The following MAP4K1 variants were observed in gnomAD, a reference collection of about 807,000 sequenced individuals.
The protein encoded by MAP4K1 is mitogen-activated protein kinase kinase kinase kinase 1, also known as MAPK/ERK kinase kinase kinase 1.
MAP4K1 carries 35 observed loss-of-function variants against 122.8 expected under a neutral mutation model. That is an observed-to-expected ratio of 0.29 (90% confidence interval 0.22 to 0.38). The LOEUF (loss-of-function observed/expected upper bound fraction) is 0.38, where lower values mean the gene tolerates loss of function less well. Among genes scored for constraint, MAP4K1 ranks in the 10% least tolerant of loss-of-function variants. The probability of loss-of-function intolerance (pLI) is 1.00; values close to 1 mark genes in which losing one functional copy is unlikely to be tolerated. For synonymous variants in MAP4K1, 412 were observed against 421.3 expected (o/e 0.98, Z 0.27); for missense variants, 791 against 1,072.6 (o/e 0.74, Z 3.67).
intron 16 of MAP4K1, among the ~76,000 whole-genome samples, chr19:38,606,463 C>T (rs1409539346): frequency 6.6e-6 from 1 of 152,140 alleles, no homozygotes; most frequent in African/African-American, 2.4e-5. Context: ...TCGAGACTAG[C>T]CTGGGCAGCA....
rs555684208 is a variant in MAP4K1 at position 38,617,502 on chromosome 19, G to A, written c.158-58C>T. ...GCATGGGGAGAGAGCTACAGGGGAG[G>A]TGATCCCAGTGTCCCAGGAGGCGAA... On this transcript the variant is annotated intron_variant, in intron 2 of 30. Coordinates refer to ENST00000396857, the MANE Select transcript of MAP4K1 (RefSeq NM_001042600.3). This position sits in a 1 kb window ranked among gnomAD's most constrained non-coding sequence, Gnocchi z 4.1. 2.5e-6 allele frequency: 4 copies of A among 1,603,632 alleles called. No individual in the cohort carries two copies. The East Asian group carries it at 6.7e-5, about 27-fold the overall frequency.
chr19:38,606,032 C>CCG (rs1387018431), intron 17 of MAP4K1, 141 bp downstream of exon 17: 5 of 707,110 alleles, frequency 7.1e-6, no homozygotes, highest in Non-Finnish European at 1.2e-5. Context: ...GATGCCACTT[C>CCG]CAGATCCCAA....
intron 25 of MAP4K1, 52 bp downstream of exon 25, chr19:38,596,982 G>A: frequency 6.5e-7 from 1 of 1,529,944 alleles, no homozygotes; most frequent in South Asian, 1.1e-5. Flanking sequence ...AAGGGTGCAA[G>A]GCCTTAGCCA....
rs1568621442 is a variant in MAP4K1 at position 38,593,349 on chromosome 19, AAGT to A, written c.2341-15_2341-13del. 7 of 1,604,980 alleles carry A rather than the reference AAGT, an allele frequency of 4.4e-6. No homozygotes were observed. The highest frequency in any genetic ancestry group is 5.1e-6 in the Non-Finnish European group (6 of 1,175,430). On this transcript the variant is annotated splice_polypyrimidine_tract_variant and intron_variant, in intron 29 of 30. Transcript: ENST00000396857. The stretch of plus-strand genomic sequence containing the variant: ...AGCTCCTGTAGCAGCTAGGGAAAAA[AAGT>A]GTGTGTCTCAGTGCCTGGAAGATAC...
At chr19:38,609,857 G>T in intron 12 of MAP4K1, 52 bp downstream of exon 12, 1 of 1,516,488 alleles carries the variant, frequency 6.6e-7, no homozygotes, top group Non-Finnish European at 9.2e-7. Context: ...AGCAGGCACA[G>T]CCTGAGAAAG....
chr19:38,601,438 C>A lies in MAP4K1; in HGVS notation c.1531+3G>T. 1 of 1,605,048 alleles carries A rather than the reference C, an allele frequency of 6.2e-7. No individual in the cohort carries two copies. ...GATCTCCTTGACCCTCCAGAATGCC[C>A]ACCCTTGGTGGAGGGATGTGTCCAG... On this transcript the variant is annotated splice_donor_region_variant and intron_variant, in intron 20 of 30. Coordinates refer to ENST00000396857, the MANE Select transcript of MAP4K1 (RefSeq NM_001042600.3).
At chr19:38,593,145 G>C (rs1454569545) in intron 30 of MAP4K1, 137 bp downstream of exon 30, 2 of 706,656 alleles carry the variant, frequency 2.8e-6, no homozygotes, top group Non-Finnish European at 4.5e-6. Context: ...ACAGACTCTA[G>C]GGAGCAGGGA....
In MAP4K1 at chr19:38,596,010, G is replaced by T. The variant is rs757775621; in HGVS notation, c.2117-9C>A. ...CACGGGTCCCCTGTGCTCTGTTTGGGGGGAGTGGGTTAAGGATTGACCCCA... is the reference window on the plus strand; with the variant it reads ...CACGGGTCCCCTGTGCTCTGTTTGGTGGGAGTGGGTTAAGGATTGACCCCA... On this transcript the variant is annotated splice_polypyrimidine_tract_variant and intron_variant, in intron 26 of 30. Coordinates refer to ENST00000396857, the MANE Select transcript of MAP4K1 (RefSeq NM_001042600.3). 16 of 1,613,562 alleles carry T rather than the reference G, an allele frequency of 9.9e-6. No homozygotes were observed. The highest frequency in any genetic ancestry group is 1.4e-5 in the Non-Finnish European group (16 of 1,179,842).
At chr19:38,606,956 G>A (rs1451282340) in intron 16 of MAP4K1, among the ~76,000 whole-genome samples, 3 of 152,116 alleles carry the variant, frequency 2.0e-5, no homozygotes, top group Non-Finnish European at 4.4e-5. Flanking sequence ...CTGACTGTTG[G>A]GTCTGGATCT....
At chr19:38,603,441 CATGT>C (rs1409485371) in intron 19 of MAP4K1, among the ~76,000 whole-genome samples, 1 of 150,914 alleles carries the variant, frequency 6.6e-6, no homozygotes, top group African/African-American at 2.4e-5. Context: ...CACACATATA[CATGT>C]ATATGTGTGT....
Position 38,614,272 on chromosome 19 carries a change from T to C in MAP4K1, c.390A>G (p.Ser130=), listed in dbSNP as rs1490802112. The C allele has an allele frequency of 3.1e-6, 5 of 1,613,844 alleles. No individual in the cohort carries two copies. Among genetic ancestry groups the C allele is most frequent in the Non-Finnish European group, 4.2e-6 (5 of 1,179,962 alleles). Residue 130 remains serine, a synonymous_variant, in exon 6 of 31, where the codon TCA becomes TCG. Transcript: ENST00000396857. ...TGATGTCCCTGTGTATCTTCTTCTG[T>C]GAGTGCAAATAGGCCAGTCCCTGGG... The part of the protein sequence containing the change: ...EVLQGLAYLH[S]QKKIHRDIKG...
At chr19:38,608,895 C>A (rs557894550) in intron 13 of MAP4K1, among the ~76,000 whole-genome samples, 1 of 148,518 alleles carries the variant, frequency 6.7e-6, no homozygotes, top group Admixed American at 6.8e-5. Flanking sequence ...TGGGAGGATT[C>A]CTTGAGCCCA....
chr19:38,592,881 C>T (rs911802224), intron 30 of MAP4K1, among the ~76,000 whole-genome samples: 1 of 152,026 alleles, frequency 6.6e-6, no homozygotes, highest in Non-Finnish European at 1.5e-5. Flanking sequence ...CACACCATTG[C>T]ACTCCAGCCT....
chr19:38,602,916 ACATATACG>A (rs1192852311), intron 19 of MAP4K1, among the ~76,000 whole-genome samples: 6 of 149,538 alleles, frequency 4.0e-5, no homozygotes, highest in Admixed American at 2.7e-4. Flanking sequence ...ACACATGTAC[ACATATACG>A]CATATACATA....
In MAP4K1 at chr19:38,598,628, C is replaced by T. The variant is rs535623268; in HGVS notation, c.1670-1034G>A. Among the ~76,000 whole-genome samples, 14 of 152,190 alleles carry T rather than the reference C, an allele frequency of 9.2e-5. No homozygotes were observed. The South Asian group carries it at 2.3e-3, about 25-fold the overall frequency. ...ATCACAGGCATGAGCCACTGCACCC[C>T]GTCCAGATTTTGAAATCTATAACTT... On this transcript the variant is annotated intron_variant, in intron 22 of 30. Coordinates refer to ENST00000396857, the MANE Select transcript of MAP4K1 (RefSeq NM_001042600.3).
At chr19:38,614,553 G>A (rs1259786951) in intron 4 of MAP4K1, 108 bp from the exon 5 acceptor site, 4 of 1,191,424 alleles carry the variant, frequency 3.4e-6, no homozygotes, top group East Asian at 2.3e-5. Flanking sequence ...AGGGAGAGGG[G>A]AAATAGGATA....
At chr19:38,610,616 C>T (rs1763859275) in intron 11 of MAP4K1, among the ~76,000 whole-genome samples, 1 of 151,926 alleles carries the variant, frequency 6.6e-6, no homozygotes, top group Admixed American at 6.6e-5. Flanking sequence ...AAACTCCTGA[C>T]CTCAAGTGAT....
In MAP4K1 at chr19:38,596,021, T is replaced by A. The variant is rs1277833693; in HGVS notation, c.2117-20A>T. On this transcript the variant is annotated intron_variant, in intron 26 of 30. Coordinates refer to ENST00000396857, the MANE Select transcript of MAP4K1 (RefSeq NM_001042600.3). Reference sequence around the variant, plus strand: ...TGTGCTCTGTTTGGGGGGAGTGGGTTAAGGATTGACCCCACCCCATTCCCC... The same window carrying A: ...TGTGCTCTGTTTGGGGGGAGTGGGTAAAGGATTGACCCCACCCCATTCCCC... 6.2e-7 allele frequency: 1 copy of A among 1,610,608 alleles called. No individual in the cohort carries two copies. The highest frequency in any genetic ancestry group is 8.5e-7 in the Non-Finnish European group (1 of 1,177,072).
intron 19 of MAP4K1, among the ~76,000 whole-genome samples, chr19:38,602,734 A>ATACATATATACACATG (rs1221443908): frequency 6.7e-6 from 1 of 149,116 alleles, no homozygotes; most frequent in Non-Finnish European, 1.5e-5. Flanking sequence ...ATATACATGT[A>ATACATATATACACATG]TACATATATA....
Sources: allele counts gnomAD v4.1 joint callset (sites outside exome capture counted in the v4.1 genomes callset), GRCh38; gene constraint gnomAD v4.1.1; non-coding constraint Gnocchi (gnomAD v3.1); transcripts MANE v1.5; gene names NCBI Gene and HGNC (gene_info 2026-07-23, HGNC 2026-07-21).